The following TRIM27 variants were observed in gnomAD, a reference collection of about 807,000 sequenced individuals.
The protein encoded by TRIM27 is tripartite motif containing 27, also known as zinc finger protein RFP.
Under a neutral mutation model 57.6 loss-of-function variants are expected in TRIM27, and 12 were observed. The ratio of observed to expected loss-of-function variants is 0.21; its 90% CI spans 0.13 to 0.34. TRIM27 has a LOEUF of 0.34. Ranked by LOEUF, TRIM27 falls within the 10% of genes least tolerant of loss-of-function variation. The pLI is 1.00. For missense variants in TRIM27, 403 were observed against 656.8 expected, an observed-to-expected ratio of 0.61 and a Z score of 4.22; for synonymous variants, 266 against 259.0, an observed-to-expected ratio of 1.03 and a Z score of -0.26.
At chr6:28,912,023 C>CT (rs1353290664) in intron 3 of TRIM27, among the ~76,000 whole-genome samples, 5 of 152,264 alleles carry the variant, frequency 3.3e-5, no homozygotes, top group Admixed American at 2.6e-4. Context: ...TCAAGCTTGC[C>CT]TACCTGTCCA....
chr6:28,922,861 G>T (rs1000093868), intron 1 of TRIM27, among the ~76,000 whole-genome samples: 2 of 152,208 alleles, frequency 1.3e-5, no homozygotes, highest in African/African-American at 4.8e-5. Flanking sequence ...CGTTTTGTCT[G>T]AGAGCCGATG....
chr6:28,906,986 C>T, intron 7 of TRIM27: 1 of 492,212 alleles, frequency 2.0e-6, no homozygotes, highest in Non-Finnish European at 3.6e-6. Context: ...GCGGTTTCCA[C>T]CCTATAATCC....
At position 28,903,192 on chromosome 6, in the gene TRIM27, C is replaced by T. The variant is rs1274833055; in HGVS notation, c.*878G>A. ...GATGCACTTAAGCATGGTCAATTCC[C>T]CCTTCCCCCAAAGGAAATGGAGAAA... On this transcript the variant is annotated 3_prime_UTR_variant, in exon 8 of 8. Coordinates refer to ENST00000377199, the MANE Select transcript of TRIM27 (RefSeq NM_006510.5). The T allele has an allele frequency of 4.3e-6, 1 of 232,496 alleles. No individual in the cohort carries two copies. The highest frequency in any genetic ancestry group is 8.5e-6 in the Non-Finnish European group (1 of 117,716). 14.4% of individuals were successfully genotyped at this position (232,496 alleles called of 1,614,324 possible).
At chr6:28,910,336 T>TAA (rs1773109565) in intron 4 of TRIM27, among the ~76,000 whole-genome samples, 2 of 151,792 alleles carry the variant, frequency 1.3e-5, no homozygotes, top group African/African-American at 4.8e-5. Flanking sequence ...TTCTTACTTT[T>TAA]TTTTTTCTTT....
Position 28,903,604 on chromosome 6 carries a change from A to T in TRIM27, c.*466T>A, listed in dbSNP as rs1245698691. 1.7e-5 allele frequency: 4 copies of T among 241,300 alleles called. No individual in the cohort carries two copies. The highest frequency in any genetic ancestry group is 6.0e-5 in the East Asian group (1 of 16,782). 14.9% of individuals were successfully genotyped at this position (241,300 alleles called of 1,614,324 possible). On this transcript the variant is annotated 3_prime_UTR_variant, in exon 8 of 8. Coordinates refer to ENST00000377199, the MANE Select transcript of TRIM27 (RefSeq NM_006510.5). ...GCAGAGGTACTGTTCCCAGACGGAA[A>T]ACTGGGATAAAGGGAGCCATGCTGA...
chr6:28,910,328 C>T (rs1402565511), intron 4 of TRIM27, among the ~76,000 whole-genome samples: 3 of 122,416 alleles, frequency 2.5e-5, no homozygotes, highest in African/African-American at 3.8e-5. Flanking sequence ...CTGCACATTT[C>T]TTACTTTTTT....
chr6:28,914,969 G>A (rs1356333406), intron 3 of TRIM27: 1 of 151,694 alleles, frequency 6.6e-6, no homozygotes, highest in Non-Finnish European at 1.5e-5. Context: ...TATGAAGGCT[G>A]CTGATTTCTG....
chr6:28,903,911 G>A lies in TRIM27; in HGVS notation c.*159C>T, dbSNP rs1772574528. The A allele has an allele frequency of 1.6e-6, 1 of 629,214 alleles. No individual in the cohort carries two copies. The highest frequency in any genetic ancestry group is 2.9e-6 in the Non-Finnish European group (1 of 350,572). The allele number at this position is 629,214 out of a possible 1,614,324, so 39.0% of individuals were successfully genotyped here. On this transcript the variant is annotated 3_prime_UTR_variant, in exon 8 of 8. Transcript: ENST00000377199. ...TACATTTCACAATCTGCATGGGAAG[G>A]AAAAGGATGGTAGAGAACATGGACA...
rs1358314405 is a variant in TRIM27 at position 28,908,830 on chromosome 6, C to T, written c.897G>A (p.Gln299=). The change falls in exon 6 of 8, where the codon CAG becomes CAA. Residue 299 remains glutamine (Q), a synonymous_variant. Transcript: ENST00000377199. ...ESLKQFTEKM[Q]SDMEKIQELR... ...TACCTTGGATTTTCTCCATATCTGA[C>T]TGCATTTTTTCTAAGAAAAGAAAAC... 1 of 1,613,774 alleles carries T rather than the reference C, an allele frequency of 6.2e-7. No individual in the cohort carries two copies. Among genetic ancestry groups the T allele is most frequent in the East Asian group, 2.2e-5 (1 of 44,850 alleles).
rs1772557839 is a variant in TRIM27, at chr6:28,903,702, T to C, written c.*368A>G. On this transcript the variant is annotated 3_prime_UTR_variant, in exon 8 of 8. Transcript: ENST00000377199. ...AAATGACAGCAAATAGCCATAATCA[T>C]TATGTGGGGCTGAACCAGAGGAAGC... The C allele has an allele frequency of 3.4e-6, 1 of 289,952 alleles. No individual in the cohort carries two copies. The highest frequency in any genetic ancestry group is 1.1e-4 in the South Asian group (1 of 9,450). The allele number at this position is 289,952 out of a possible 1,614,324, so 18.0% of individuals were successfully genotyped here.
Position 28,908,790 on chromosome 6 carries a change from G to T in TRIM27, c.919+18C>A, listed in dbSNP as rs767434674. 6.2e-7 allele frequency: 1 copy of T among 1,612,750 alleles called. No homozygotes were observed. Among genetic ancestry groups the T allele is most frequent in the Non-Finnish European group, 8.5e-7 (1 of 1,179,028 alleles). ...CAAGCAACTTTACATCAAAAGCCCA[G>T]TAGGTAGATAAATTTACCTTGGATT... On this transcript the variant is annotated intron_variant, in intron 6 of 7. Coordinates refer to ENST00000377199, the MANE Select transcript of TRIM27 (RefSeq NM_006510.5).
chr6:28,907,088 A>T (rs1772822685), intron 7 of TRIM27, 148 bp downstream of exon 7: 1 of 677,770 alleles, frequency 1.5e-6, no homozygotes, highest in Non-Finnish European at 2.5e-6. Context: ...GAAACAACTG[A>T]GGATTTTTGT....
At chr6:28,916,536 G>C (rs1773623643) in intron 3 of TRIM27, among the ~76,000 whole-genome samples, 1 of 150,148 alleles carries the variant, frequency 6.7e-6, no homozygotes, top group Non-Finnish European at 1.5e-5. Flanking sequence ...TGGGCAACAA[G>C]AGTGAAACTC....
chr6:28,907,617 A>G (rs949925182), intron 6 of TRIM27: 17 of 567,164 alleles, frequency 3.0e-5, no homozygotes, highest in Admixed American at 1.1e-4. Context: ...TTTGAGTTGC[A>G]TAAGTCATCT....
chr6:28,910,964 CAT>C (rs984885385), intron 4 of TRIM27, among the ~76,000 whole-genome samples: 1 of 152,184 alleles, frequency 6.6e-6, no homozygotes, highest in African/African-American at 2.4e-5. Context: ...AATGCTCCCA[CAT>C]AGTCAAGCTG....
Position 28,911,290 on chromosome 6 carries a change from T to A in TRIM27, c.770+406A>T, listed in dbSNP as rs1773188289. On this transcript the variant is annotated intron_variant, in intron 4 of 7. Transcript: ENST00000377199. ...TCCAGGTGGCTCATCAGTAATTATG[T>A]AAATGCAGGCCAGTCACACCTTTCT... 1.8e-5 allele frequency: 3 copies of A among 164,122 alleles called. No homozygotes were observed. In the East Asian group the frequency reaches 5.1e-4, roughly 28 times the overall value. The allele number at this position is 164,122 out of a possible 1,614,324, so 10.2% of individuals were successfully genotyped here.
At chr6:28,914,981 ATGT>A (rs1414119438) in intron 3 of TRIM27, 2 of 151,724 alleles carry the variant, frequency 1.3e-5, no homozygotes, top group African/African-American at 4.8e-5. Context: ...TGATTTCTGT[ATGT>A]TAACTTCTTT....
intron 4 of TRIM27, among the ~76,000 whole-genome samples, chr6:28,910,063 A>C (rs1367392580): frequency 6.9e-6 from 1 of 144,288 alleles, no homozygotes; most frequent in Non-Finnish European, 1.5e-5. Flanking sequence ...CTTTGAGGCT[A>C]GGAGTTCAAG....
intron 2 of TRIM27, among the ~76,000 whole-genome samples, chr6:28,921,405 C>T (rs1581519132): frequency 6.6e-6 from 1 of 151,646 alleles, no homozygotes; most frequent in African/African-American, 2.4e-5. Context: ...TTCCCATATA[C>T]CCCTAATATA....
Sources: allele counts gnomAD v4.1 joint callset (sites outside exome capture counted in the v4.1 genomes callset), GRCh38; gene constraint gnomAD v4.1.1; transcripts MANE v1.5; gene names NCBI Gene and HGNC (gene_info 2026-07-23, HGNC 2026-07-21).